PGAP1: variants seen among roughly 807,000 people sequenced by gnomAD.
The protein encoded by PGAP1 is post-GPI attachment to proteins inositol deacylase 1, also known as GPI inositol-deacylase.
PGAP1 carries 76 observed loss-of-function variants against 127.0 expected under a neutral mutation model. That is an observed-to-expected ratio of 0.60 (90% confidence interval 0.50 to 0.72). The LOEUF (loss-of-function observed/expected upper bound fraction) is 0.72. Ranked by LOEUF, PGAP1 falls within the 30% of genes least tolerant of loss-of-function variation. The pLI is 0.00. For missense variants in PGAP1, 982 were observed against 1,071.3 expected, an observed-to-expected ratio of 0.92 and a Z score of 1.16; for synonymous variants, 362 against 366.5, an observed-to-expected ratio of 0.99 and a Z score of 0.14.
At chr2:196,861,942 G>A (rs547466635) in intron 20 of PGAP1, among the ~76,000 whole-genome samples, 8 of 149,948 alleles carry the variant, frequency 5.3e-5, no homozygotes, top group South Asian at 2.2e-4. Context: ...GATGTATGTC[G>A]CCTCAGGACC....
intron 26 of PGAP1, among the ~76,000 whole-genome samples, chr2:196,842,200 G>A (rs1700433507): frequency 6.6e-6 from 1 of 152,148 alleles, no homozygotes; most frequent in Non-Finnish European, 1.5e-5. Context: ...ACTAAAGACA[G>A]AGCTATTAAA....
chr2:196,869,058 AC>A (rs1420934185), intron 19 of PGAP1, among the ~76,000 whole-genome samples: 1 of 152,186 alleles, frequency 6.6e-6, no homozygotes, highest in Admixed American at 6.5e-5. Flanking sequence ...AAAAGAATCC[AC>A]CTTTGATACT....
chr2:196,899,468 C>A (rs1702402673), intron 5 of PGAP1, among the ~76,000 whole-genome samples: 1 of 152,162 alleles, frequency 6.6e-6, no homozygotes, highest in South Asian at 2.1e-4. Context: ...AATTAGACAA[C>A]CAGAGTTCAC....
rs1246097687 is a variant in PGAP1, at chr2:196,839,601, C to A, written c.*1633G>T. On this transcript the variant is annotated 3_prime_UTR_variant, in exon 27 of 27. Coordinates refer to ENST00000354764, the MANE Select transcript of PGAP1 (RefSeq NM_024989.4). ...AAAACATGCTCAAAGCTAGAAAAGA[C>A]AACAATGGGATCAAACAAACTTAAA... 6.6e-6 allele frequency: 1 copy of A among 152,088 alleles called. No homozygotes were observed. Among genetic ancestry groups the A allele is most frequent in the Non-Finnish European group, 1.5e-5 (1 of 68,002 alleles). 9.4% of individuals were successfully genotyped at this position (152,088 alleles called of 1,614,324 possible).
At chr2:196,844,854 C>A (rs1198848201) in intron 23 of PGAP1, among the ~76,000 whole-genome samples, 2 of 152,076 alleles carry the variant, frequency 1.3e-5, no homozygotes, top group Admixed American at 6.5e-5. Flanking sequence ...CAGGATATAC[C>A]GCTATACCTT....
Position 196,912,580 on chromosome 2 carries a change from TAAAAAAAAAAAAA to T in PGAP1, c.649+289_649+301del, listed in dbSNP as rs531959600. 1.3e-4 allele frequency among the ~76,000 whole-genome samples: 11 copies of T among 82,482 alleles called. No individual in the cohort carries two copies. The East Asian group carries it at 3.4e-3, about 25-fold the overall frequency. 54.1% of individuals were successfully genotyped at this position (82,482 alleles called of 152,430 possible). The stretch of plus-strand genomic sequence containing the variant: ...GGGAGAAAGAGCAAGACCCTGTCTT[TAAAAAAAAAAAAA>T]AAAAAAAAAAAAAACTAAACGGAAG... On this transcript the variant is annotated intron_variant, in intron 4 of 26. Coordinates refer to ENST00000354764, the MANE Select transcript of PGAP1 (RefSeq NM_024989.4).
rs1701191808 is a variant in PGAP1, at chr2:196,865,007, A to G, written c.1841T>C (p.Leu614Ser). The G allele has an allele frequency of 6.4e-7, 1 of 1,555,278 alleles. No homozygotes were observed. Among genetic ancestry groups the G allele is most frequent in the Non-Finnish European group, 8.6e-7 (1 of 1,157,158 alleles). The change falls in exon 20 of 27, where the codon TTA (leucine) becomes TCA (serine). Residue 614 changes from leucine (L) to serine (S), a missense_variant. Leu to Ser is a moderately radical substitution (Grantham distance 145, BLOSUM62 -2). Coordinates refer to ENST00000354764, the MANE Select transcript of PGAP1 (RefSeq NM_024989.4). ...SNILLAYRGQLYSLFSTGCCL... is the reference protein window; with the variant it reads ...SNILLAYRGQSYSLFSTGCCL... ...CTTACCTGTTGAGAAAAGAGAATAT[A>G]ACTGTCCTCTATAAGCAAGAAGGAT...
Position 196,865,167 on chromosome 2 carries a change from A to AT in PGAP1, c.1768-88dup, listed in dbSNP as rs952125407. ...CATAAAATTTAAAAGTTGCTCTTCA[A>AT]TTTATACCTGACATGGCTACAAAGA... On this transcript the variant is annotated intron_variant, in intron 19 of 26. Coordinates refer to ENST00000354764, the MANE Select transcript of PGAP1 (RefSeq NM_024989.4). The AT allele has an allele frequency of 4.3e-5, 29 of 675,570 alleles. No homozygotes were observed. The African/African-American group carries it at 5.2e-4, about 12-fold the overall frequency. 41.8% of individuals were successfully genotyped at this position (675,570 alleles called of 1,614,324 possible).
intron 20 of PGAP1, among the ~76,000 whole-genome samples, chr2:196,856,233 T>C (rs1219434257): frequency 6.6e-6 from 1 of 152,042 alleles, no homozygotes; most frequent in African/African-American, 2.4e-5. Flanking sequence ...GCCAAGCTGG[T>C]CTCAAACTCC....
At position 196,875,806 on chromosome 2, in the gene PGAP1, C is replaced by T; in HGVS notation, c.1366G>A (p.Glu456Lys). The change falls in exon 14 of 27, where the codon GAA becomes AAA. Residue 456 changes from glutamate (E) to lysine (K), a missense_variant. Transcript: ENST00000354764. Reference sequence around the variant, plus strand: ...TATCTTTTCTCTTTTTTAAAGAATTCACAATCTACAACAAACTGAAATATA... The same window carrying T: ...TATCTTTTCTCTTTTTTAAAGAATTTACAATCTACAACAAACTGAAATATA... ...VRGSKFVVDC[E>K]FFKKEKRYIQ... 1 of 1,487,282 alleles carries T rather than the reference C, an allele frequency of 6.7e-7. No homozygotes were observed. 92.1% of individuals were successfully genotyped at this position (1,487,282 alleles called of 1,614,324 possible).
intron 7 of PGAP1, among the ~76,000 whole-genome samples, chr2:196,894,087 C>G (rs997271238): frequency 9.9e-5 from 15 of 152,168 alleles, no homozygotes; most frequent in Admixed American, 8.5e-4. Context: ...ACAACTCTTA[C>G]CAGGAGAATG....
rs1702295549 is a variant in PGAP1 at position 196,896,848 on chromosome 2, A to AAAAAG, written c.927+282_927+283insCTTTT. ...CATCTTAAAAAAAAAAAAAAAAAAAAAAAGGAAGGATATATGTCAAACTTT... is the reference window on the plus strand; with the variant it reads ...CATCTTAAAAAAAAAAAAAAAAAAAAAAAAGAAAGGAAGGATATATGTCAAACTTT... On this transcript the variant is annotated intron_variant, in intron 7 of 26. Coordinates refer to ENST00000354764, the MANE Select transcript of PGAP1 (RefSeq NM_024989.4). Among the ~76,000 whole-genome samples the AAAAAG allele has an allele frequency of 9.2e-5, 14 of 151,674 alleles. No homozygotes were observed. The South Asian group carries it at 2.9e-3, about 32-fold the overall frequency.
intron 25 of PGAP1, among the ~76,000 whole-genome samples, chr2:196,843,065 A>C (rs2125775445): frequency 6.6e-6 from 1 of 152,246 alleles, no homozygotes; most frequent in East Asian, 1.9e-4. Flanking sequence ...AACCGGTATG[A>C]AAGCACTTTC....
In PGAP1 at chr2:196,914,127, C is replaced by A. The variant is rs1462103759; in HGVS notation, c.478-1074G>T. 2.6e-5 allele frequency among the ~76,000 whole-genome samples: 4 copies of A among 152,158 alleles called. No individual in the cohort carries two copies. In the South Asian group the frequency reaches 6.2e-4, roughly 24 times the overall value. ...CCTACAACTGTGCTCTGAAACCTAT[C>A]CCCTTTGACCTTCGCAAGTACCTCA... On this transcript the variant is annotated intron_variant, in intron 3 of 26. Coordinates refer to ENST00000354764, the MANE Select transcript of PGAP1 (RefSeq NM_024989.4).
Position 196,839,121 on chromosome 2 carries a change from A to G in PGAP1, c.*2113T>C, listed in dbSNP as rs1700329520. ...ATTGAAGCTTGTTACATTCATGAAC[A>G]GTACTAACTAAACAAAGAGGTTTTA... On this transcript the variant is annotated 3_prime_UTR_variant, in exon 27 of 27. Transcript: ENST00000354764. 1 of 152,666 alleles carries G rather than the reference A, an allele frequency of 6.6e-6. No homozygotes were observed. Among genetic ancestry groups the G allele is most frequent in the Non-Finnish European group, 1.5e-5 (1 of 68,044 alleles). 9.5% of individuals were successfully genotyped at this position (152,666 alleles called of 1,614,324 possible). A position where few individuals can be genotyped will look rare whatever the true frequency, so the allele number is the denominator to read the frequency against.
At chr2:196,860,573 T>C (rs1354791023) in intron 20 of PGAP1, among the ~76,000 whole-genome samples, 1 of 151,576 alleles carries the variant, frequency 6.6e-6, no homozygotes, top group African/African-American at 2.4e-5. Flanking sequence ...AAAAAATAAA[T>C]CAAGAGAGTG....
Position 196,840,260 on chromosome 2 carries a change from T to C in PGAP1, c.*974A>G, listed in dbSNP as rs1700369222. 1 of 152,188 alleles carries C rather than the reference T, an allele frequency of 6.6e-6. No homozygotes were observed. The highest frequency in any genetic ancestry group is 1.5e-5 in the Non-Finnish European group (1 of 68,026). The allele number at this position is 152,188 out of a possible 1,614,324, so 9.4% of individuals were successfully genotyped here. A position where few individuals can be genotyped will look rare whatever the true frequency, so the allele number is the denominator to read the frequency against. On this transcript the variant is annotated 3_prime_UTR_variant, in exon 27 of 27. Coordinates refer to ENST00000354764, the MANE Select transcript of PGAP1 (RefSeq NM_024989.4). ...TGATATTCCATTAATAGTATAATATTATACATCAAATGTGATGTTACCTTG... is the reference window on the plus strand; with the variant it reads ...TGATATTCCATTAATAGTATAATATCATACATCAAATGTGATGTTACCTTG...
intron 7 of PGAP1, 126 bp from the exon 8 acceptor site, chr2:196,893,371 C>G (rs1375915923): frequency 4.1e-6 from 2 of 483,394 alleles, no homozygotes. Flanking sequence ...GTTCTGAGCA[C>G]TGTACATAAA....
chr2:196,922,065 T>A (rs1003287047), intron 1 of PGAP1: 2 of 1,021,954 alleles, frequency 2.0e-6, no homozygotes, highest in Middle Eastern at 2.6e-4. Flanking sequence ...TAGTTTATTT[T>A]AAATGAGCAA....
Sources: gnomAD v4.1 joint callset for allele counts (sites outside exome capture counted in the v4.1 genomes callset) on GRCh38, gnomAD v4.1.1 for gene constraint, MANE v1.5 for transcripts, NCBI Gene and HGNC (gene_info 2026-07-23, HGNC 2026-07-21) for gene names.